RGS7: variants seen among roughly 807,000 people sequenced by gnomAD.
RGS7 encodes the protein regulator of G-protein signaling 7.
Under a neutral mutation model 81.1 loss-of-function variants are expected in RGS7, and 27 were observed. The ratio of observed to expected loss-of-function variants is 0.33; its 90% CI spans 0.25 to 0.46. The LOEUF (loss-of-function observed/expected upper bound fraction) is 0.46, where lower values mean the gene tolerates loss of function less well. Ranked by LOEUF, RGS7 falls within the 20% of genes least tolerant of loss-of-function variation. The pLI is 1.00. For missense variants in RGS7, 396 were observed against 607.4 expected, an observed-to-expected ratio of 0.65 and a Z score of 3.66; for synonymous variants, 208 against 207.7, an observed-to-expected ratio of 1.00 and a Z score of -0.01.
At chr1:241,305,835 TG>T in intron 2 of RGS7, 1 of 309,072 alleles carries the variant, frequency 3.2e-6, no homozygotes, top group Admixed American at 3.7e-5. Context: ...CTCACGTTCT[TG>T]GTCACCTTGT....
chr1:241,156,000 A>G (rs2069098237), intron 2 of RGS7, among the ~76,000 whole-genome samples: 1 of 152,148 alleles, frequency 6.6e-6, no homozygotes, highest in Non-Finnish European at 1.5e-5. Context: ...CATCAATCAT[A>G]GTCCTACACA....
intron 18 of RGS7, among the ~76,000 whole-genome samples, chr1:240,785,026 T>C (rs1057198790): frequency 2.6e-5 from 4 of 152,190 alleles, no homozygotes; most frequent in Admixed American, 6.5e-5. Flanking sequence ...ATTATTTTAC[T>C]CTCATGTTGA....
chr1:241,355,722 G>A lies in RGS7; in HGVS notation c.55C>T (p.Pro19Ser), dbSNP rs1056550223. 4 of 1,613,996 alleles carry A rather than the reference G, an allele frequency of 2.5e-6. No individual in the cohort carries two copies. The Admixed American group carries it at 6.7e-5, about 27-fold the overall frequency. ...ACCTTTCTGTACACCAGCATGTTGG[G>A]TGATTCATCGGCCACCCCGTTGCTG... is the stretch of plus-strand genomic sequence containing the variant. Reference protein sequence around the residue: ...QTSNGVADESPNMLVYRKMED... With the variant: ...QTSNGVADESSNMLVYRKMED... Residue 19 changes from proline (P) to serine (S), a missense_variant, in exon 2 of 19, where the codon CCC (proline) becomes TCC (serine). Transcript: ENST00000440928.
At chr1:241,196,518 T>C (rs541071767) in intron 2 of RGS7, among the ~76,000 whole-genome samples, 1 of 152,138 alleles carries the variant, frequency 6.6e-6, no homozygotes, top group Admixed American at 6.5e-5. Context: ...TGCACACAAA[T>C]ATCCATGAGA....
chr1:241,301,047 C>A (rs1474847084), intron 2 of RGS7, among the ~76,000 whole-genome samples: 2 of 152,208 alleles, frequency 1.3e-5, no homozygotes, highest in Admixed American at 6.5e-5. Context: ...ATTTGCCAGG[C>A]CTTTCCTTTT....
chr1:240,841,245 A>T (rs1035307724), intron 9 of RGS7, among the ~76,000 whole-genome samples: 8 of 152,228 alleles, frequency 5.3e-5, no homozygotes, highest in African/African-American at 1.7e-4. Context: ...ACAAAGCCTC[A>T]GTTTTAGAGA....
At chr1:240,943,201 C>T (rs1025606177) in intron 4 of RGS7, among the ~76,000 whole-genome samples, 10 of 152,066 alleles carry the variant, frequency 6.6e-5, no homozygotes, top group East Asian at 3.9e-4. Flanking sequence ...TATAAGTAAA[C>T]GCTATTTCCA....
chr1:240,997,481 A>T (rs1687468579), intron 3 of RGS7, among the ~76,000 whole-genome samples: 1 of 152,178 alleles, frequency 6.6e-6, no homozygotes, highest in African/African-American at 2.4e-5. Context: ...TACATTTAGA[A>T]TCATATCAGA....
chr1:240,790,523 C>G (rs1210241878), intron 18 of RGS7, among the ~76,000 whole-genome samples: 1 of 152,174 alleles, frequency 6.6e-6, no homozygotes. Flanking sequence ...GTAAATCACA[C>G]CTTCAAGCAA....
intron 6 of RGS7, among the ~76,000 whole-genome samples, chr1:240,902,884 T>C (rs1434109977): frequency 6.6e-6 from 1 of 152,190 alleles, no homozygotes; most frequent in African/African-American, 2.4e-5. Context: ...AATATGTATA[T>C]GTGTTTAAAA....
chr1:240,957,767 G>A (rs1182249385), intron 4 of RGS7, among the ~76,000 whole-genome samples: 1 of 152,178 alleles, frequency 6.6e-6, no homozygotes, highest in Non-Finnish European at 1.5e-5. Flanking sequence ...AAACTGGGGG[G>A]TGGGATATAT....
chr1:241,316,027 G>A (rs1160550969), intron 2 of RGS7, among the ~76,000 whole-genome samples: 1 of 152,170 alleles, frequency 6.6e-6, no homozygotes, highest in East Asian at 1.9e-4. Context: ...TACAGAAGTA[G>A]AAAAACAAAC....
intron 15 of RGS7, among the ~76,000 whole-genome samples, chr1:240,804,602 T>TA (rs1400302591): frequency 2.6e-5 from 4 of 152,008 alleles, no homozygotes; most frequent in African/African-American, 4.8e-5. Flanking sequence ...CACCGATAAC[T>TA]AAAAAAAATT....
chr1:241,059,075 C>T (rs74485752), intron 3 of RGS7, among the ~76,000 whole-genome samples: 2,998 of 152,266 alleles, frequency 0.02, 109 homozygotes, highest in African/African-American at 0.07. Flanking sequence ...TTCCTTAAAG[C>T]GCTCATTTCC....
rs1291843978 is a variant in RGS7 at position 241,036,858 on chromosome 1, C to G, written c.176-53729G>C. ...TTTAGTCCTTCTCTATAAAAAACCT[C>G]CAAGGTGTCAACCTCCAGTTATTTT... On this transcript the variant is annotated intron_variant, in intron 3 of 18. Transcript: ENST00000440928. Among the ~76,000 whole-genome samples, 6 of 152,212 alleles carry G rather than the reference C, an allele frequency of 3.9e-5. No individual in the cohort carries two copies. In the East Asian group the frequency reaches 7.7e-4, roughly 20 times the overall value.
intron 2 of RGS7, among the ~76,000 whole-genome samples, chr1:241,261,714 A>G (rs2077345230): frequency 6.6e-6 from 1 of 151,944 alleles, no homozygotes; most frequent in Non-Finnish European, 1.5e-5. Flanking sequence ...CTACCCCTTC[A>G]TACCAAGAAG....
At chr1:241,286,516 T>C (rs2078820329) in intron 2 of RGS7, among the ~76,000 whole-genome samples, 6 of 152,140 alleles carry the variant, frequency 3.9e-5, no homozygotes. Context: ...AAGTGAACAG[T>C]GGTGTCATCC....
intron 3 of RGS7, among the ~76,000 whole-genome samples, chr1:241,004,550 A>C (rs2148641780): frequency 6.6e-6 from 1 of 152,310 alleles, no homozygotes; most frequent in East Asian, 1.9e-4. Context: ...ACACGAACTT[A>C]ATGTGTATAT....
intron 6 of RGS7, among the ~76,000 whole-genome samples, chr1:240,880,675 A>G (rs188039915): frequency 6.6e-6 from 1 of 152,114 alleles, no homozygotes; most frequent in Non-Finnish European, 1.5e-5. Context: ...CCCTCCCAGG[A>G]CCCACTTATT....
Sources: allele counts gnomAD v4.1 joint callset (sites outside exome capture counted in the v4.1 genomes callset), GRCh38; gene constraint gnomAD v4.1.1; transcripts MANE v1.5; gene names NCBI Gene and HGNC (gene_info 2026-07-23, HGNC 2026-07-21).